The following SSPN variants were observed in gnomAD, a reference collection of about 807,000 sequenced individuals.
SSPN encodes K-ras oncogene-associated protein.
In SSPN, 15 loss-of-function variants were observed where a neutral mutation model predicts 19.1. The ratio of observed to expected loss-of-function variants is 0.78; its 90% CI spans 0.52 to 1.21. The LOEUF (loss-of-function observed/expected upper bound fraction) is 1.21. Ranked by LOEUF, SSPN falls within the 50% of genes most tolerant of loss-of-function variation. The pLI is 0.00. For synonymous variants in SSPN, 147 were observed against 140.3 expected, an observed-to-expected ratio of 1.05 and a Z score of -0.34; for missense variants, 291 against 314.0, an observed-to-expected ratio of 0.93 and a Z score of 0.55.
chr12:26,130,543 T>C (rs1461514559), intron 1 of SSPN, among the ~76,000 whole-genome samples: 1 of 152,230 alleles, frequency 6.6e-6, no homozygotes, highest in African/African-American at 2.4e-5. Flanking sequence ...CGAAAAATCA[T>C]ATATAACAAT....
At position 26,231,248 on chromosome 12, in the gene SSPN, G is replaced by A; in HGVS notation, c.*172G>A. The A allele has an allele frequency of 9.3e-7, 1 of 1,077,352 alleles. No individual in the cohort carries two copies. The allele number at this position is 1,077,352 out of a possible 1,614,324, so 66.7% of individuals were successfully genotyped here. ...AAGAGCATTTCTTCAGGTTTCTATTGTATTTTTTTTAACATTCTTGCAGAG... is the reference window on the plus strand; with the variant it reads ...AAGAGCATTTCTTCAGGTTTCTATTATATTTTTTTTAACATTCTTGCAGAG... On this transcript the variant is annotated 3_prime_UTR_variant, in exon 3 of 3. Transcript: ENST00000242729.
intron 1 of SSPN, among the ~76,000 whole-genome samples, chr12:26,188,849 G>A (rs182049953): frequency 7.9e-5 from 12 of 152,076 alleles, no homozygotes; most frequent in African/African-American, 2.7e-4. Flanking sequence ...GGTATGTGGC[G>A]GGGATGTCTG....
At chr12:26,142,955 T>A (rs895409753) in intron 1 of SSPN, among the ~76,000 whole-genome samples, 2 of 152,248 alleles carry the variant, frequency 1.3e-5, no homozygotes, top group African/African-American at 4.8e-5. Flanking sequence ...CACTTTACTG[T>A]ACCTGTATTA....
chr12:26,159,272 G>C lies in SSPN; in HGVS notation c.-31+37120G>C, dbSNP rs140547559. 2.5e-4 allele frequency among the ~76,000 whole-genome samples: 38 copies of C among 152,362 alleles called. 1 individual carries two copies. In the East Asian group the frequency reaches 7.3e-3, roughly 29 times the overall value. The stretch of plus-strand genomic sequence containing the variant: ...ATCTAAGGCCACAGAGGGGCCCCAA[G>C]GCAAACTCTCTGCCCAGCAAATTAA... On this transcript the variant is annotated intron_variant, in intron 1 of 2. Transcript: ENST00000538142.
At chr12:26,222,563 CT>C (rs1945133031) in intron 1 of SSPN, among the ~76,000 whole-genome samples, 1 of 152,208 alleles carries the variant, frequency 6.6e-6, no homozygotes, top group South Asian at 2.1e-4. Context: ...TGACTCTCAG[CT>C]GCTCTTTCAA....
At chr12:26,126,733 C>G (rs1490206055) in intron 1 of SSPN, 2 of 152,458 alleles carry the variant, frequency 1.3e-5, no homozygotes, top group Non-Finnish European at 2.9e-5. Flanking sequence ...GCGGCGGCGG[C>G]GGCCCAGGAT....
intron 1 of SSPN, chr12:26,123,558 G>T: frequency 1.9e-6 from 2 of 1,025,902 alleles, no homozygotes; most frequent in Non-Finnish European, 1.6e-6. Flanking sequence ...GCGGGTGAGG[G>T]AGTCCTGACA....
At chr12:26,141,028 A>T (rs566104077) in intron 1 of SSPN, among the ~76,000 whole-genome samples, 3 of 152,298 alleles carry the variant, frequency 2.0e-5, no homozygotes, top group Admixed American at 1.3e-4. Context: ...AGGCAGAATA[A>T]TGGGCCTCCA....
intron 1 of SSPN, among the ~76,000 whole-genome samples, chr12:26,177,071 A>T (rs1286918005): frequency 6.6e-6 from 1 of 152,176 alleles, no homozygotes; most frequent in Non-Finnish European, 1.5e-5. Context: ...ACGAGAAGAG[A>T]GGGAGATAGA....
chr12:26,214,442 G>A (rs569517745), intron 1 of SSPN, among the ~76,000 whole-genome samples: 2 of 152,318 alleles, frequency 1.3e-5, no homozygotes, highest in East Asian at 3.9e-4. Flanking sequence ...GTGATATACA[G>A]TATATTTGCT....
At chr12:26,178,972 C>A (rs1391902751) in intron 1 of SSPN, among the ~76,000 whole-genome samples, 1 of 152,176 alleles carries the variant, frequency 6.6e-6, no homozygotes, top group African/African-American at 2.4e-5. Context: ...CAGAGCTCAG[C>A]ACCCCACAGC....
chr12:26,202,491 T>G (rs1248101039), intron 1 of SSPN, among the ~76,000 whole-genome samples: 1 of 152,248 alleles, frequency 6.6e-6, no homozygotes. Context: ...TGCACTCTCC[T>G]AACTAGAATA....
intron 1 of SSPN, among the ~76,000 whole-genome samples, chr12:26,147,349 T>G (rs1334571919): frequency 6.6e-6 from 1 of 151,616 alleles, no homozygotes; most frequent in African/African-American, 2.4e-5. Flanking sequence ...CTTGGCTCAC[T>G]GCAACCTCCG....
intron 1 of SSPN, among the ~76,000 whole-genome samples, chr12:26,160,422 T>A (rs1419112741): frequency 2.0e-5 from 3 of 152,258 alleles, no homozygotes; most frequent in Non-Finnish European, 4.4e-5. Context: ...CACTGCAATC[T>A]GAACACACAA....
At chr12:26,132,305 A>T (rs1158342169) in intron 1 of SSPN, among the ~76,000 whole-genome samples, 1 of 152,190 alleles carries the variant, frequency 6.6e-6, no homozygotes, top group Non-Finnish European at 1.5e-5. Context: ...GTGCACTGTG[A>T]TGGGTTTTAG....
intron 1 of SSPN, 23 bp from the exon 2 acceptor site, chr12:26,224,270 T>C (rs1398023853): frequency 6.3e-7 from 1 of 1,576,168 alleles, no homozygotes. Flanking sequence ...ATAACATCCT[T>C]TCTTCTGTGT....
At chr12:26,122,653 C>A in intron 1 of SSPN, 1 of 1,366,952 alleles carries the variant, frequency 7.3e-7, no homozygotes, top group Non-Finnish European at 9.5e-7. Flanking sequence ...CCGCCGCTGC[C>A]GCCGCCGCGG....
At chr12:26,122,313 G>C in intron 1 of SSPN, 4 of 1,172,854 alleles carry the variant, frequency 3.4e-6, no homozygotes, top group South Asian at 8.4e-5. Context: ...GGCGGCGGCG[G>C]CTGCCGCGGC....
chr12:26,158,339 T>A (rs1446826858), intron 1 of SSPN, among the ~76,000 whole-genome samples: 1 of 152,142 alleles, frequency 6.6e-6, no homozygotes, highest in Admixed American at 6.5e-5. Context: ...TTCATTTGAA[T>A]TTGTGAATCC....
Sources: allele counts gnomAD v4.1 joint callset (sites outside exome capture counted in the v4.1 genomes callset), GRCh38; gene constraint gnomAD v4.1.1; transcripts MANE v1.5; gene names NCBI Gene and HGNC (gene_info 2026-07-23, HGNC 2026-07-21).